RABGAP1: variants seen among roughly 807,000 people sequenced by gnomAD.
The protein encoded by RABGAP1 is RAB GTPase activating protein 1.
Under a neutral mutation model 137.6 loss-of-function variants are expected in RABGAP1, and 23 were observed. The ratio of observed to expected loss-of-function variants is 0.17; its 90% CI spans 0.12 to 0.24. The LOEUF (loss-of-function observed/expected upper bound fraction) is 0.24, where lower values mean the gene tolerates loss of function less well. Ranked by LOEUF, RABGAP1 falls within the 10% of genes least tolerant of loss-of-function variation. RABGAP1 has a pLI of 1.00. For synonymous variants in RABGAP1, 451 were observed against 450.7 expected, an observed-to-expected ratio of 1.00 and a Z score of -0.01; for missense variants, 906 against 1,275.8, an observed-to-expected ratio of 0.71 and a Z score of 4.42.
At chr9:122,939,410 C>T (rs529320473), upstream of RABGAP1, 1 of 152,156 alleles carries the variant, frequency 6.6e-6, no homozygotes, top group East Asian at 1.9e-4. Flanking sequence ...AGGCTCAAGC[C>T]ATCCTCCCAC....
chr9:123,073,054 A>C (rs1011847253), intron 15 of RABGAP1, among the ~76,000 whole-genome samples: 1 of 152,228 alleles, frequency 6.6e-6, no homozygotes, highest in Non-Finnish European at 1.5e-5. Context: ...TTCTAAAACA[A>C]GCTATATTTT....
In RABGAP1 at chr9:123,015,589, A is replaced by G; in HGVS notation, c.1596A>G (p.Glu532=). The change falls in exon 12 of 26, where the codon GAA becomes GAG. Residue 532 remains glutamate, a synonymous_variant. Coordinates refer to ENST00000373647, the MANE Select transcript of RABGAP1 (RefSeq NM_012197.4). ...LLSGSGDVSK[E]CAEKILETWG... ...GTGGATCTGGTGATGTATCCAAAGAATGTGCAGAAAAAATTCTTGAAACAT... is the reference window on the plus strand; with the variant it reads ...GTGGATCTGGTGATGTATCCAAAGAGTGTGCAGAAAAAATTCTTGAAACAT... 1 of 1,613,010 alleles carries G rather than the reference A, an allele frequency of 6.2e-7. No homozygotes were observed. The highest frequency in any genetic ancestry group is 8.5e-7 in the Non-Finnish European group (1 of 1,179,238).
chr9:122,982,816 A>C (rs1454708861), intron 2 of RABGAP1, among the ~76,000 whole-genome samples: 1 of 152,126 alleles, frequency 6.6e-6, no homozygotes, highest in Non-Finnish European at 1.5e-5. Context: ...AGGGAGGATC[A>C]CTTGAGCCCA....
chr9:123,034,308 A>T (rs1344689147), intron 13 of RABGAP1: 3 of 523,992 alleles, frequency 5.7e-6, no homozygotes, highest in African/African-American at 3.8e-5. Context: ...TGCTATGTGT[A>T]TGGTGAACCT....
intron 3 of RABGAP1, 92 bp from the exon 4 acceptor site, chr9:122,986,123 C>T: frequency 8.2e-7 from 1 of 1,215,220 alleles, no homozygotes; most frequent in Non-Finnish European, 1.2e-6. Flanking sequence ...AATTTTAGAC[C>T]TTAAATGTTA....
chr9:123,055,473 C>T (rs899511686), intron 13 of RABGAP1, among the ~76,000 whole-genome samples: 1 of 151,124 alleles, frequency 6.6e-6, no homozygotes, highest in Admixed American at 6.6e-5. Flanking sequence ...TTCACGCAGT[C>T]CTCCTGCCTT....
rs958226747 is a variant in RABGAP1 at position 123,077,640 on chromosome 9, T to C, written c.2424+878T>C. On this transcript the variant is annotated intron_variant, in intron 19 of 25. Coordinates refer to ENST00000373647, the MANE Select transcript of RABGAP1 (RefSeq NM_012197.4). Reference sequence around the variant, plus strand: ...TATTGTATTGTATTGTATTGTATTGTATTGTATTGTATTGTATTGTATTGT... The same window carrying C: ...TATTGTATTGTATTGTATTGTATTGCATTGTATTGTATTGTATTGTATTGT... Among the ~76,000 whole-genome samples, 23 of 147,288 alleles carry C rather than the reference T, an allele frequency of 1.6e-4. No homozygotes were observed. In the South Asian group the frequency reaches 4.8e-3, roughly 31 times the overall value.
chr9:123,094,782 T>G (rs893087141), intron 21 of RABGAP1, among the ~76,000 whole-genome samples: 23 of 152,206 alleles, frequency 1.5e-4, no homozygotes, highest in Non-Finnish European at 2.8e-4. Flanking sequence ...TGCAGGAAAT[T>G]AATTGTGAAT....
intron 13 of RABGAP1, among the ~76,000 whole-genome samples, chr9:123,044,623 G>A (rs942338730): frequency 7.3e-5 from 7 of 96,018 alleles, no homozygotes; most frequent in Admixed American, 2.0e-4. Context: ...GAAAACACAC[G>A]TACGTGTGTG....
chr9:123,025,263 C>A, intron 13 of RABGAP1, among the ~76,000 whole-genome samples: 1 of 152,136 alleles, frequency 6.6e-6, no homozygotes, highest in East Asian at 1.9e-4. Context: ...TTTGCATATT[C>A]CTGTCCCCAC....
intron 21 of RABGAP1, among the ~76,000 whole-genome samples, chr9:123,092,635 T>A (rs2035064484): frequency 2.6e-5 from 2 of 78,130 alleles, no homozygotes; most frequent in Non-Finnish European, 1.1e-4. Flanking sequence ...CATAACCGTA[T>A]CAAAAACATG....
chr9:123,083,086 CATAGAG>C (rs2034763495), intron 19 of RABGAP1, among the ~76,000 whole-genome samples: 1 of 152,150 alleles, frequency 6.6e-6, no homozygotes, highest in African/African-American at 2.4e-5. Flanking sequence ...CATACTGAGA[CATAGAG>C]AATTGATGTA....
intron 19 of RABGAP1, among the ~76,000 whole-genome samples, chr9:123,086,742 G>A (rs1261803125): frequency 6.6e-6 from 1 of 152,076 alleles, no homozygotes; most frequent in African/African-American, 2.4e-5. Context: ...AAGAGGTGAG[G>A]GTGAAGACTG....
intron 2 of RABGAP1, among the ~76,000 whole-genome samples, chr9:122,980,687 G>A (rs1426937432): frequency 6.6e-6 from 1 of 152,178 alleles, no homozygotes; most frequent in Non-Finnish European, 1.5e-5. Context: ...ATAGGCATGT[G>A]CCAAAAGTAA....
At chr9:123,026,253 G>A (rs1353474257) in intron 13 of RABGAP1, among the ~76,000 whole-genome samples, 2 of 152,096 alleles carry the variant, frequency 1.3e-5, no homozygotes, top group East Asian at 3.8e-4. Context: ...GAACCCCGGA[G>A]GCAGAGGTTG....
intron 13 of RABGAP1, among the ~76,000 whole-genome samples, chr9:123,052,767 CAAAAAAAG>C (rs1226037846): frequency 2.0e-5 from 3 of 151,328 alleles, no homozygotes; most frequent in Non-Finnish European, 4.4e-5. Flanking sequence ...CCATCTCTAC[CAAAAAAAG>C]AAAAAAAGAA....
At chr9:123,061,222 G>A (rs2033958243) in intron 13 of RABGAP1, among the ~76,000 whole-genome samples, 1 of 152,164 alleles carries the variant, frequency 6.6e-6, no homozygotes. Flanking sequence ...GGGCTCAAGG[G>A]ATCCTCTTGC....
intron 13 of RABGAP1, among the ~76,000 whole-genome samples, chr9:123,032,742 A>G (rs1194133550): frequency 6.6e-6 from 1 of 152,178 alleles, no homozygotes; most frequent in Non-Finnish European, 1.5e-5. Flanking sequence ...TTTTCATAGC[A>G]CCCAACTCTG....
intron 2 of RABGAP1, among the ~76,000 whole-genome samples, chr9:122,977,480 A>G (rs554578681): frequency 9.2e-4 from 140 of 152,328 alleles, no homozygotes; most frequent in African/African-American, 3.2e-3. Context: ...AGGCGGGCAG[A>G]TACTTGAGGC....
Sources: allele counts gnomAD v4.1 joint callset (sites outside exome capture counted in the v4.1 genomes callset), GRCh38; gene constraint gnomAD v4.1.1; transcripts MANE v1.5; gene names NCBI Gene and HGNC (gene_info 2026-07-23, HGNC 2026-07-21).